The following UBE2J2 variants were observed in gnomAD, a reference collection of about 807,000 sequenced individuals.
UBE2J2 encodes the protein ubiquitin-conjugating enzyme E2 J2.
Under a neutral mutation model 28.6 loss-of-function variants are expected in UBE2J2, and 5 were observed. That is an observed-to-expected ratio of 0.17 (90% CI 0.09 to 0.37). The LOEUF is 0.37. UBE2J2 is among the 10% of genes least tolerant of loss of function. The pLI is 1.00. For synonymous variants in UBE2J2, 138 were observed against 139.7 expected (o/e 0.99, Z 0.09); for missense variants, 226 against 338.9 (o/e 0.67, Z 2.62).
rs1639071909 is a variant in UBE2J2, at chr1:1,254,572, T to C, written c.*631A>G. The C allele has an allele frequency of 6.6e-6, 1 of 152,256 alleles. No individual in the cohort carries two copies. The highest frequency in any genetic ancestry group is 1.5e-5 in the Non-Finnish European group (1 of 68,088). The allele number at this position is 152,256 out of a possible 1,614,324, so 9.4% of individuals were successfully genotyped here. On this transcript the variant is annotated 3_prime_UTR_variant, in exon 7 of 7. Coordinates refer to ENST00000349431, the MANE Select transcript of UBE2J2 (RefSeq NM_058167.3). ...AGTCAAGGGCGACTTGTGGTTGGAG[T>C]GAGCAGGCTCCTGGCTTCCAGGGCA...
At chr1:1,259,163 T>G (rs1639400037) in intron 3 of UBE2J2, among the ~76,000 whole-genome samples, 1 of 150,502 alleles carries the variant, frequency 6.6e-6, no homozygotes, top group African/African-American at 2.5e-5. Flanking sequence ...TGTGCGTGTC[T>G]GAGTGTGTGC....
In UBE2J2 at chr1:1,268,677, C is replaced by A. The variant is rs1311419105; in HGVS notation, c.1-685G>T. The stretch of plus-strand genomic sequence containing the variant: ...GCAGGGATAAGACTGGCCAGGGAGG[C>A]AGGGCCAGGGCATAAGAGTTTATTT... On this transcript the variant is annotated intron_variant, in intron 1 of 6. Transcript: ENST00000349431. This position sits in a 1 kb window ranked among gnomAD's most constrained non-coding sequence, Gnocchi z 4.7. Among the ~76,000 whole-genome samples, 1 of 152,124 alleles carries A rather than the reference C, an allele frequency of 6.6e-6. No homozygotes were observed. The highest frequency in any genetic ancestry group is 2.4e-5 in the African/African-American group (1 of 41,424).
chr1:1,256,462 T>C (rs1290327719), intron 5 of UBE2J2: 4 of 273,198 alleles, frequency 1.5e-5, no homozygotes, highest in Non-Finnish European at 2.1e-5. Context: ...CGGGTGTGGA[T>C]GAGGCTGGAT....
intron 2 of UBE2J2, 80 bp from the exon 3 acceptor site, chr1:1,263,466 A>G: frequency 7.6e-7 from 1 of 1,311,426 alleles, no homozygotes; most frequent in Non-Finnish European, 1.1e-6. Context: ...CCTGGGGTTT[A>G]TAGAACCCAG....
At chr1:1,269,395 G>A (rs1185801349) in intron 1 of UBE2J2, among the ~76,000 whole-genome samples, 2 of 152,094 alleles carry the variant, frequency 1.3e-5, no homozygotes, top group East Asian at 1.9e-4. Flanking sequence ...ACCTGAGACT[G>A]GGGAGAGGGG....
At chr1:1,266,286 T>G in intron 2 of UBE2J2, 2 of 852,900 alleles carry the variant, frequency 2.3e-6, no homozygotes, top group Middle Eastern at 2.9e-4. Flanking sequence ...TGAAATATCT[T>G]TTCTCTGGAA....
At position 1,255,193 on chromosome 1, in the gene UBE2J2, C is replaced by A; in HGVS notation, c.*10G>T. ...CCCTCAGTGGCGCCTTGGGTCTCGG[C>A]GCCTGGGCCTCACTCCTGCGCGATG... On this transcript the variant is annotated 3_prime_UTR_variant, in exon 7 of 7. Coordinates refer to ENST00000349431, the MANE Select transcript of UBE2J2 (RefSeq NM_058167.3). 6.4e-7 allele frequency: 1 copy of A among 1,570,122 alleles called. No homozygotes were observed. The highest frequency in any genetic ancestry group is 8.7e-7 in the Non-Finnish European group (1 of 1,153,714).
At chr1:1,258,759 C>T (rs1639360903) in intron 3 of UBE2J2, among the ~76,000 whole-genome samples, 1 of 152,242 alleles carries the variant, frequency 6.6e-6, no homozygotes, top group African/African-American at 2.4e-5. Flanking sequence ...CCTGTTGGCC[C>T]CACCTTCAAA....
Position 1,254,740 on chromosome 1 carries a change from C to T in UBE2J2, c.*463G>A, listed in dbSNP as rs1278959021. The T allele has an allele frequency of 6.3e-6, 1 of 159,364 alleles. No individual in the cohort carries two copies. The highest frequency in any genetic ancestry group is 1.4e-5 in the Non-Finnish European group (1 of 73,028). 9.9% of individuals were successfully genotyped at this position (159,364 alleles called of 1,614,324 possible). The stretch of plus-strand genomic sequence containing the variant: ...CCGCTAAGCCTCATCACCACACGGC[C>T]AGGCCAGACCAGCACCCGCGGACGC... On this transcript the variant is annotated 3_prime_UTR_variant, in exon 7 of 7. Transcript: ENST00000349431.
chr1:1,266,019 G>T (rs750447168), intron 2 of UBE2J2: 2 of 1,291,760 alleles, frequency 1.5e-6, no homozygotes, highest in Non-Finnish European at 2.0e-6. Context: ...ACAGATTTGT[G>T]GGGAGGGATT....
intron 1 of UBE2J2, among the ~76,000 whole-genome samples, chr1:1,269,067 A>G (rs1349808548): frequency 6.6e-6 from 1 of 152,040 alleles, no homozygotes; most frequent in Non-Finnish European, 1.5e-5. Flanking sequence ...CGTTCAAGAC[A>G]GCACTGAAGG....
chr1:1,260,867 G>A (rs555861163), intron 3 of UBE2J2, among the ~76,000 whole-genome samples: 2 of 152,234 alleles, frequency 1.3e-5, no homozygotes, highest in Non-Finnish European at 2.9e-5. Flanking sequence ...AAAAAACTGA[G>A]ATTTTGTTAG....
At chr1:1,256,811 CG>C (rs1317318979) in intron 5 of UBE2J2, among the ~76,000 whole-genome samples, 180 bp downstream of exon 5, 1 of 145,124 alleles carries the variant, frequency 6.9e-6, no homozygotes, top group South Asian at 2.3e-4. Context: ...GCGTGAACCC[CG>C]GGGGGCGGAG....
intron 1 of UBE2J2, among the ~76,000 whole-genome samples, chr1:1,269,706 T>G (rs932562118): frequency 2.6e-5 from 4 of 152,088 alleles, no homozygotes; most frequent in South Asian, 2.1e-4. Flanking sequence ...TCAGGTAATC[T>G]GCCCACCTCG....
At chr1:1,256,946 C>T in intron 5 of UBE2J2, 46 bp downstream of exon 5, 1 of 1,412,670 alleles carries the variant, frequency 7.1e-7, no homozygotes, top group Non-Finnish European at 9.3e-7. Context: ...AACAGCCCCC[C>T]AGACACAAGG....
chr1:1,257,400 C>CCA, intron 3 of UBE2J2, 90 bp from the exon 4 acceptor site: 1 of 594,216 alleles, frequency 1.7e-6, no homozygotes, highest in South Asian at 2.2e-5. Flanking sequence ...GCCACCCCCC[C>CCA]CCCCCCCCTC....
At chr1:1,271,809 T>C (rs1640157666) in intron 1 of UBE2J2, among the ~76,000 whole-genome samples, 1 of 151,724 alleles carries the variant, frequency 6.6e-6, no homozygotes, top group Non-Finnish European at 1.5e-5. Flanking sequence ...ACCCCGTCTC[T>C]ACTAAAAATA....
At position 1,268,800 on chromosome 1, in the gene UBE2J2, C is replaced by A. The variant is rs1640006356; in HGVS notation, c.1-808G>T. Among the ~76,000 whole-genome samples the A allele has an allele frequency of 6.6e-6, 1 of 152,154 alleles. No individual in the cohort carries two copies. The highest frequency in any genetic ancestry group is 2.4e-5 in the African/African-American group (1 of 41,424). The stretch of plus-strand genomic sequence containing the variant: ...TCAAGCAATCCTCCCACCTCAGCCT[C>A]CTGAGTAGCTGAGACTACAGACGCA... On this transcript the variant is annotated intron_variant, in intron 1 of 6. Transcript: ENST00000349431. This position sits in a 1 kb window ranked among gnomAD's most constrained non-coding sequence, Gnocchi z 4.7.
intron 2 of UBE2J2, among the ~76,000 whole-genome samples, chr1:1,263,828 A>AT (rs1639694126): frequency 1.4e-5 from 2 of 140,002 alleles, no homozygotes; most frequent in African/African-American, 5.3e-5. Flanking sequence ...CCCCACCTTT[A>AT]TTTAAAAAAA....
Sources: allele counts gnomAD v4.1 joint callset (sites outside exome capture counted in the v4.1 genomes callset), GRCh38; gene constraint gnomAD v4.1.1; non-coding constraint Gnocchi (gnomAD v3.1); transcripts MANE v1.5; gene names NCBI Gene and HGNC (gene_info 2026-07-23, HGNC 2026-07-21).